Variants in LDLRAD3 observed in about 807,000 individuals in gnomAD.
The protein encoded by LDLRAD3 is low-density lipoprotein receptor class A domain-containing protein 3.
Under a neutral mutation model 29.4 loss-of-function variants are expected in LDLRAD3, and 20 were observed. That is an observed-to-expected ratio of 0.68 (90% CI 0.48 to 0.99). The LOEUF is 0.99. Among genes scored for constraint, LDLRAD3 ranks in the 50% least tolerant of loss-of-function variants. LDLRAD3 has a pLI of 0.00. For synonymous variants in LDLRAD3, 157 were observed against 192.7 expected (o/e 0.81, Z 1.53); for missense variants, 420 against 454.3 (o/e 0.92, Z 0.69).
chr11:36,109,099 C>T (rs1205487555), intron 4 of LDLRAD3, among the ~76,000 whole-genome samples: 3 of 152,178 alleles, frequency 2.0e-5, no homozygotes, highest in Admixed American at 6.5e-5. Context: ...GCTAAACTGA[C>T]TCATAGGGCT....
chr11:36,022,127 G>T (rs1018699819), intron 1 of LDLRAD3, among the ~76,000 whole-genome samples: 2 of 152,194 alleles, frequency 1.3e-5, no homozygotes, highest in African/African-American at 4.8e-5. Flanking sequence ...CTAATAAACA[G>T]TTCCCTTCTG....
At chr11:36,095,045 G>C (rs755239910) in intron 3 of LDLRAD3, among the ~76,000 whole-genome samples, 11 of 151,628 alleles carry the variant, frequency 7.3e-5, no homozygotes, top group Non-Finnish European at 5.9e-5. Flanking sequence ...AATTAGCTAG[G>C]CGTGGTGGTA....
chr11:36,187,734 A>C (rs1360575630), intron 4 of LDLRAD3, among the ~76,000 whole-genome samples: 1 of 152,208 alleles, frequency 6.6e-6, no homozygotes, highest in Non-Finnish European at 1.5e-5. Flanking sequence ...CAGTGTTGGT[A>C]GGGTGAGAAA....
chr11:36,106,732 G>A (rs1326570301), intron 4 of LDLRAD3, among the ~76,000 whole-genome samples: 2 of 152,134 alleles, frequency 1.3e-5, no homozygotes, highest in African/African-American at 2.4e-5. Flanking sequence ...CCCTTCACAC[G>A]CTCCACCTAC....
chr11:36,211,810 C>G (rs1216753833), intron 4 of LDLRAD3, among the ~76,000 whole-genome samples: 1 of 152,198 alleles, frequency 6.6e-6, no homozygotes, highest in Non-Finnish European at 1.5e-5. Context: ...CCCTGCAATG[C>G]TATTTGTGTG....
intron 2 of LDLRAD3, among the ~76,000 whole-genome samples, chr11:36,044,395 G>A (rs1029028297): frequency 6.6e-6 from 1 of 152,118 alleles, no homozygotes; most frequent in African/African-American, 2.4e-5. Flanking sequence ...GCTGGTGCCT[G>A]GTGTGAGTTA....
chr11:36,174,715 C>G (rs948858254), intron 4 of LDLRAD3, among the ~76,000 whole-genome samples: 1 of 152,164 alleles, frequency 6.6e-6, no homozygotes, highest in Non-Finnish European at 1.5e-5. Context: ...GGCGCAGTGG[C>G]TCACGCCTGA....
chr11:36,062,901 AATACGTT>A (rs1009109982), intron 2 of LDLRAD3, among the ~76,000 whole-genome samples: 4 of 152,182 alleles, frequency 2.6e-5, no homozygotes, highest in African/African-American at 7.2e-5. Context: ...AGAAGGGACT[AATACGTT>A]GACCCACTAA....
intron 4 of LDLRAD3, among the ~76,000 whole-genome samples, chr11:36,165,944 T>TCCCTCCCTCCCTCCCTC (rs1854506919): frequency 9.1e-6 from 1 of 109,826 alleles, no homozygotes; most frequent in East Asian, 4.7e-4. Context: ...CTGGCTTGCT[T>TCCCTCCCTCCCTCCCTC]CCTCCCTCCC....
At position 36,076,218 on chromosome 11, in the gene LDLRAD3, ATCCG is replaced by A. The variant is rs139213994; in HGVS notation, c.194-5431_194-5428del. On this transcript the variant is annotated intron_variant, in intron 2 of 5. Transcript: ENST00000315571. ...AATATTTATTTTTGTCTGTCTGTCC[ATCCG>A]TCCATCCATCCATCCATCCATCCAT... Among the ~76,000 whole-genome samples the A allele has an allele frequency of 1.1e-3, 149 of 129,866 alleles. 2 individuals are homozygous for A. In the East Asian group the frequency reaches 0.014, roughly 12 times the overall value. 85.2% of individuals were successfully genotyped at this position (129,866 alleles called of 152,430 possible).
intron 2 of LDLRAD3, among the ~76,000 whole-genome samples, chr11:36,042,194 C>T (rs908645397): frequency 1.3e-5 from 2 of 152,038 alleles, no homozygotes; most frequent in African/African-American, 4.8e-5. Flanking sequence ...TCGTCTTCTG[C>T]CTCTAGGTGG....
chr11:36,164,144 C>A (rs907175633), intron 4 of LDLRAD3, among the ~76,000 whole-genome samples: 1 of 152,176 alleles, frequency 6.6e-6, no homozygotes, highest in Non-Finnish European at 1.5e-5. Context: ...CATGGTTGAG[C>A]CCTGGGAATC....
At chr11:35,962,266 T>G (rs1851287048) in intron 1 of LDLRAD3, among the ~76,000 whole-genome samples, 1 of 152,162 alleles carries the variant, frequency 6.6e-6, no homozygotes, top group Non-Finnish European at 1.5e-5. Context: ...AGGGGTATTC[T>G]CTTTCATGAC....
At chr11:36,119,348 T>G (rs1284290156) in intron 4 of LDLRAD3, among the ~76,000 whole-genome samples, 2 of 152,172 alleles carry the variant, frequency 1.3e-5, no homozygotes, top group Non-Finnish European at 1.5e-5. Flanking sequence ...AATTGTTGGG[T>G]TATGTGGGAA....
At chr11:36,024,366 T>G (rs190236165) in intron 1 of LDLRAD3, among the ~76,000 whole-genome samples, 3 of 143,486 alleles carry the variant, frequency 2.1e-5, no homozygotes, top group African/African-American at 7.5e-5. Flanking sequence ...AGCCATATCT[T>G]TGTCATTATT....
chr11:36,217,558 C>T (rs12577437), intron 4 of LDLRAD3, among the ~76,000 whole-genome samples: 10,257 of 152,226 alleles, frequency 0.067, 453 homozygotes, highest in East Asian at 0.2. Context: ...ACCTGTGAAA[C>T]GGTCTACTTC....
At chr11:36,145,144 T>C (rs79841227) in intron 4 of LDLRAD3, among the ~76,000 whole-genome samples, 15 of 85,174 alleles carry the variant, frequency 1.8e-4, no homozygotes, top group African/African-American at 3.1e-4. Flanking sequence ...CTGCCCCATC[T>C]GGGAGGGAGG....
chr11:35,971,863 A>G (rs1851416642), intron 1 of LDLRAD3, among the ~76,000 whole-genome samples: 1 of 152,200 alleles, frequency 6.6e-6, no homozygotes, highest in Non-Finnish European at 1.5e-5. Flanking sequence ...AGAACTGTGT[A>G]GGAGCCTTAA....
intron 4 of LDLRAD3, among the ~76,000 whole-genome samples, chr11:36,132,790 T>TTAACGCACTCATAAG (rs1853944980): frequency 1.3e-5 from 2 of 152,210 alleles, no homozygotes; most frequent in Non-Finnish European, 2.9e-5. Context: ...TTGGCTTGTT[T>TTAACGCACTCATAAG]TAACGCACTC....
Sources: allele counts gnomAD v4.1 joint callset (sites outside exome capture counted in the v4.1 genomes callset), GRCh38; gene constraint gnomAD v4.1.1; transcripts MANE v1.5; gene names NCBI Gene and HGNC (gene_info 2026-07-23, HGNC 2026-07-21).